The following ATP2B1 variants were observed in gnomAD, a reference collection of about 807,000 sequenced individuals.
ATP2B1 encodes the protein plasma membrane calcium-transporting ATPase 1.
ATP2B1 carries 14 observed loss-of-function variants against 124.2 expected under a neutral mutation model. The observed-to-expected ratio is 0.11, with a 90% confidence interval of 0.07 to 0.18. The LOEUF is 0.18. Among genes scored for constraint, ATP2B1 ranks in the 10% least tolerant of loss-of-function variants. The pLI, the probability that ATP2B1 is intolerant of heterozygous loss-of-function variation, is 1.00. For missense variants in ATP2B1, 763 were observed against 1,466.1 expected (o/e 0.52, Z 7.83); for synonymous variants, 449 against 492.4 (o/e 0.91, Z 1.17).
chr12:89,621,690 C>A lies in ATP2B1; in HGVS notation c.1446G>T (p.Met482Ile), dbSNP rs764147256. Residue 482 changes from methionine to isoleucine, a missense_variant, in exon 10 of 21, where the codon ATG becomes ATT. By Grantham distance (10) the Met-to-Ile change is conservative (BLOSUM62 1). Around this residue, in one of 7 missense-constraint regions of ATP2B1, gnomAD observed 392 missense variants for 776.6 expected, o/e 0.50. Coordinates refer to ENST00000428670, the MANE Select transcript of ATP2B1 (RefSeq NM_001366521.1). The part of the protein sequence containing the change: ...ICSDKTGTLT[M>I]NRMTVVQAYI... ...AAGCTTGAACGACTGTCATTCTGTT[C>A]ATTGTCAAAGTTCCTGTTTTATCTG... The A allele has an allele frequency of 6.2e-7, 1 of 1,611,630 alleles. No homozygotes were observed. Among genetic ancestry groups the A allele is most frequent in the South Asian group, 1.1e-5 (1 of 90,788 alleles).
chr12:89,687,154 T>G (rs1298702082), intron 1 of ATP2B1, among the ~76,000 whole-genome samples: 1 of 152,152 alleles, frequency 6.6e-6, no homozygotes, highest in East Asian at 1.9e-4. Flanking sequence ...AGTACAGCCA[T>G]GCACTGCATA....
intron 1 of ATP2B1, among the ~76,000 whole-genome samples, chr12:89,677,953 A>ATTATATATATATAT (rs1888817707): frequency 3.8e-5 from 1 of 26,264 alleles, no homozygotes. Context: ...GCATGCAGGA[A>ATTATATATATATAT]TTATATATAT....
At chr12:89,644,657 T>C (rs1227796293) in intron 2 of ATP2B1, among the ~76,000 whole-genome samples, 1 of 152,194 alleles carries the variant, frequency 6.6e-6, no homozygotes, top group African/African-American at 2.4e-5. Flanking sequence ...GAGATTAGTC[T>C]ATGCGTAGGT....
At chr12:89,647,334 G>C (rs574009989) in intron 2 of ATP2B1, among the ~76,000 whole-genome samples, 180 of 152,248 alleles carry the variant, frequency 1.2e-3, no homozygotes, top group African/African-American at 4.1e-3. Flanking sequence ...TCATTGTTTG[G>C]AGAAATAAAA....
At chr12:89,625,403 G>A (rs1190369763) in intron 8 of ATP2B1, among the ~76,000 whole-genome samples, 1 of 151,998 alleles carries the variant, frequency 6.6e-6, no homozygotes, top group Non-Finnish European at 1.5e-5. Flanking sequence ...GGCCAACACG[G>A]TGAAACCCCG....
chr12:89,684,387 G>C (rs1889723771), intron 1 of ATP2B1, among the ~76,000 whole-genome samples: 2 of 152,152 alleles, frequency 1.3e-5, no homozygotes, highest in African/African-American at 2.4e-5. Context: ...CGCTATGGAA[G>C]AATAAAGACA....
Position 89,598,784 on chromosome 12 carries a change from G to A in ATP2B1, c.3351+333C>T, listed in dbSNP as rs893565372. On this transcript the variant is annotated intron_variant, in intron 20 of 20. Coordinates refer to ENST00000428670, the MANE Select transcript of ATP2B1 (RefSeq NM_001366521.1). ...GATTGTGACAGCTTGCTCAGCAAGA[G>A]AGAGAGAGAACAAGAGAAAGGACCA... 3.1e-6 allele frequency: 5 copies of A among 1,607,608 alleles called. No homozygotes were observed. In the African/African-American group the frequency reaches 6.7e-5, roughly 22 times the overall value.
chr12:89,659,776 A>G (rs1886454594), intron 1 of ATP2B1, among the ~76,000 whole-genome samples: 1 of 152,146 alleles, frequency 6.6e-6, no homozygotes. Context: ...ACAAAAAATT[A>G]GCTGGGTCTG....
At chr12:89,695,645 A>G (rs1357113521) in intron 1 of ATP2B1, among the ~76,000 whole-genome samples, 1 of 150,756 alleles carries the variant, frequency 6.6e-6, no homozygotes, top group East Asian at 1.9e-4. Context: ...CTCCTCTATT[A>G]AAAAAAAAGA....
intron 1 of ATP2B1, among the ~76,000 whole-genome samples, chr12:89,700,936 C>G (rs751593081): frequency 1.3e-5 from 2 of 152,092 alleles, no homozygotes; most frequent in Non-Finnish European, 2.9e-5. Flanking sequence ...TTTTTTCAAG[C>G]ATTTTTAAAT....
At chr12:89,651,677 G>GA (rs530527109) in intron 2 of ATP2B1, among the ~76,000 whole-genome samples, 84 of 152,158 alleles carry the variant, frequency 5.5e-4, no homozygotes, top group African/African-American at 2.0e-3. Context: ...TTACTATAGA[G>GA]AAGAGGGAAC....
chr12:89,602,796 A>G (rs1156627017), intron 18 of ATP2B1, among the ~76,000 whole-genome samples: 2 of 152,224 alleles, frequency 1.3e-5, no homozygotes, highest in East Asian at 1.9e-4. Context: ...CTAAGAAATA[A>G]TATCTTTCAC....
intron 1 of ATP2B1, among the ~76,000 whole-genome samples, chr12:89,682,062 T>C (rs146357686): frequency 6.6e-6 from 1 of 152,090 alleles, no homozygotes; most frequent in African/African-American, 2.4e-5. Flanking sequence ...AATCAAAACA[T>C]ACATAAAATA....
intron 13 of ATP2B1, 27 bp downstream of exon 13, chr12:89,611,166 A>G (rs757347085): frequency 6.4e-7 from 1 of 1,554,592 alleles, no homozygotes; most frequent in Non-Finnish European, 8.7e-7. Context: ...TCTGTCAACC[A>G]AAAACAAAAT....
At chr12:89,617,465 G>A (rs1352096963) in intron 11 of ATP2B1, among the ~76,000 whole-genome samples, 1 of 152,032 alleles carries the variant, frequency 6.6e-6, no homozygotes, top group Admixed American at 6.5e-5. Context: ...CCTTACCTGA[G>A]ATGTTGTTTC....
chr12:89,627,772 T>C, intron 6 of ATP2B1, 56 bp from the exon 7 acceptor site: 1 of 1,545,550 alleles, frequency 6.5e-7, no homozygotes, highest in Non-Finnish European at 8.9e-7. Flanking sequence ...ACAGCCATGC[T>C]AAATTATGCA....
intron 1 of ATP2B1, among the ~76,000 whole-genome samples, chr12:89,656,611 T>A (rs1017695554): frequency 6.6e-5 from 10 of 152,208 alleles, no homozygotes; most frequent in African/African-American, 2.4e-4. Context: ...GTCTTTCATA[T>A]GGAATAGCCC....
intron 1 of ATP2B1, among the ~76,000 whole-genome samples, chr12:89,663,925 G>A (rs1886999947): frequency 6.6e-6 from 1 of 152,082 alleles, no homozygotes; most frequent in African/African-American, 2.4e-5. Context: ...CAGTAGGGAG[G>A]GGCTGGATGG....
chr12:89,618,127 G>A (rs1288004933), intron 11 of ATP2B1, among the ~76,000 whole-genome samples: 1 of 151,724 alleles, frequency 6.6e-6, no homozygotes, highest in Non-Finnish European at 1.5e-5. Flanking sequence ...GTTCCCTGAT[G>A]CAAGAATTAT....
Sources: gnomAD v4.1 joint callset for allele counts (sites outside exome capture counted in the v4.1 genomes callset) on GRCh38, gnomAD v4.1.1 for gene constraint, gnomAD v4.1.1 regional missense constraint, MANE v1.5 for transcripts, NCBI Gene and HGNC (gene_info 2026-07-23, HGNC 2026-07-21) for gene names.